The following ZNF486 variants were observed in gnomAD, a reference collection of about 807,000 sequenced individuals.
ZNF486 encodes zinc finger protein 486, also known as KRAB box only protein 2.
In ZNF486, 12 loss-of-function variants were observed where a neutral mutation model predicts 12.8. The observed-to-expected ratio is 0.94, with a 90% CI of 0.60 to 1.52. ZNF486 has a LOEUF of 1.52. Ranked by LOEUF, ZNF486 falls within the 40% of genes most tolerant of loss-of-function variation. The pLI, the probability that ZNF486 is intolerant of heterozygous loss-of-function variation, is 0.00. For missense variants in ZNF486, 738 were observed against 545.0 expected, an observed-to-expected ratio of 1.35 and a Z score of -3.53; for synonymous variants, 231 against 184.9, an observed-to-expected ratio of 1.25 and a Z score of -2.02.
intron 1 of ZNF486, among the ~76,000 whole-genome samples, chr19:20,181,918 G>A (rs886594551): frequency 6.6e-6 from 1 of 152,290 alleles, no homozygotes; most frequent in East Asian, 1.9e-4. Context: ...AATGTGCTAT[G>A]CCCAGCACAG....
intron 3 of ZNF486, among the ~76,000 whole-genome samples, chr19:20,189,138 GATATCAGCTCACT>G (rs2089878478): frequency 1.3e-5 from 2 of 152,032 alleles, no homozygotes; most frequent in South Asian, 4.1e-4. Flanking sequence ...GCAGTGGTGT[GATATCAGCTCACT>G]GAAACCTCTG....
chr19:20,184,622 T>C (rs2089822745), intron 2 of ZNF486, 140 bp downstream of exon 2: 3 of 1,010,502 alleles, frequency 3.0e-6, no homozygotes, highest in Non-Finnish European at 4.1e-6. Flanking sequence ...AGAATTTGTT[T>C]ATTTAGAAAA....
chr19:20,186,411 C>T (rs529513696), intron 3 of ZNF486, among the ~76,000 whole-genome samples: 5 of 152,076 alleles, frequency 3.3e-5, no homozygotes, highest in East Asian at 1.9e-4. Context: ...CAAATATCTG[C>T]GTGATTTTGA....
chr19:20,190,990 G>T (rs924887318), intron 3 of ZNF486, among the ~76,000 whole-genome samples: 2 of 152,014 alleles, frequency 1.3e-5, no homozygotes, highest in Non-Finnish European at 2.9e-5. Context: ...AATGAGAGCT[G>T]GTTCATTAAA....
At chr19:20,170,111 C>T (rs1252217314) in intron 1 of ZNF486, among the ~76,000 whole-genome samples, 1 of 150,970 alleles carries the variant, frequency 6.6e-6, no homozygotes. Context: ...AGGATGGTCT[C>T]GATCTCCTGA....
chr19:20,192,028 AAT>A (rs1431945916), intron 3 of ZNF486, among the ~76,000 whole-genome samples: 1 of 152,182 alleles, frequency 6.6e-6, no homozygotes, highest in Non-Finnish European at 1.5e-5. Context: ...ATAGATAAAT[AAT>A]ATAGTTACCG....
chr19:20,175,826 C>T (rs1298033736), intron 1 of ZNF486, among the ~76,000 whole-genome samples: 3 of 152,218 alleles, frequency 2.0e-5, no homozygotes, highest in Non-Finnish European at 1.5e-5. Context: ...CATCATGGCC[C>T]GTTCTCAATG....
At position 20,198,194 on chromosome 19, in the gene ZNF486, A is replaced by G. The variant is rs2089980780; in HGVS notation, c.*92A>G. 2.7e-6 allele frequency: 3 copies of G among 1,101,182 alleles called. No homozygotes were observed. Among genetic ancestry groups the G allele is most frequent in the Non-Finnish European group, 3.9e-6 (3 of 778,056 alleles). 68.2% of individuals were successfully genotyped at this position (1,101,182 alleles called of 1,614,324 possible). A position where few individuals can be genotyped will look rare whatever the true frequency, so the allele number is the denominator to read the frequency against. ...TGCAATGGCATAATTTTGGCTCACC[A>G]CAACCTCCACCTTCTGGGTTCAAGT... On this transcript the variant is annotated 3_prime_UTR_variant, in exon 4 of 4. Coordinates refer to ENST00000335117, the MANE Select transcript of ZNF486 (RefSeq NM_052852.4).
chr19:20,196,687 A>T (rs1387163996), intron 3 of ZNF486, among the ~76,000 whole-genome samples: 1 of 150,912 alleles, frequency 6.6e-6, no homozygotes, highest in African/African-American at 2.4e-5. Context: ...GCTGTTGCAT[A>T]TAAGTAACAG....
At chr19:20,169,356 G>C (rs1555713513) in intron 1 of ZNF486, among the ~76,000 whole-genome samples, 1 of 152,112 alleles carries the variant, frequency 6.6e-6, no homozygotes, top group African/African-American at 2.4e-5. Flanking sequence ...TGATCCATCC[G>C]CCTTGGCCTC....
intron 3 of ZNF486, among the ~76,000 whole-genome samples, chr19:20,189,704 T>C (rs1473451201): frequency 6.6e-6 from 1 of 152,138 alleles, no homozygotes; most frequent in African/African-American, 2.4e-5. Context: ...GTTTTAAGAG[T>C]TTTTATTTAT....
At chr19:20,195,172 TTTTTAA>T (rs1427879785) in intron 3 of ZNF486, among the ~76,000 whole-genome samples, 2 of 152,098 alleles carry the variant, frequency 1.3e-5, no homozygotes, top group East Asian at 1.9e-4. Context: ...GCACCCAACC[TTTTTAA>T]TTTTATTTTT....
intron 3 of ZNF486, among the ~76,000 whole-genome samples, chr19:20,190,931 G>A (rs139481086): frequency 7.6e-4 from 115 of 152,262 alleles, no homozygotes; most frequent in Admixed American, 1.7e-3. Context: ...TCTCATGAAC[G>A]GCATGGTACA....
intron 3 of ZNF486, among the ~76,000 whole-genome samples, chr19:20,195,770 CTCT>C (rs748378208): frequency 3.4e-4 from 52 of 152,278 alleles, no homozygotes; most frequent in South Asian, 1.5e-3. Context: ...TTATTCATAT[CTCT>C]TCTTAATAGT....
rs73540121 is a variant in ZNF486, at chr19:20,182,030, T to G, written c.31-2326T>G. The stretch of plus-strand genomic sequence containing the variant: ...TTAAATACAGACTTACTCTGTCATT[T>G]CTGCCTTCAGTTTCCTCTATAAACT... On this transcript the variant is annotated intron_variant, in intron 1 of 3. Transcript: ENST00000335117. Among the ~76,000 whole-genome samples, 1,402 of 152,374 alleles carry G rather than the reference T, an allele frequency of 9.2e-3. 22 individuals carry two copies. The highest frequency in any genetic ancestry group is 0.031 in the African/African-American group (1,305 of 41,584).
intron 1 of ZNF486, among the ~76,000 whole-genome samples, chr19:20,172,583 G>A (rs1486678889): frequency 6.6e-6 from 1 of 151,918 alleles, no homozygotes; most frequent in Non-Finnish European, 1.5e-5. Context: ...ACATGCATGA[G>A]CCACCATGCC....
At chr19:20,189,917 A>AT (rs1270420774) in intron 3 of ZNF486, among the ~76,000 whole-genome samples, 1 of 151,876 alleles carries the variant, frequency 6.6e-6, no homozygotes, top group Non-Finnish European at 1.5e-5. Context: ...CTTTTCCTGT[A>AT]TTTTTTCTAA....
chr19:20,180,645 C>A (rs1298088534), intron 1 of ZNF486, among the ~76,000 whole-genome samples: 1 of 152,130 alleles, frequency 6.6e-6, no homozygotes, highest in Admixed American at 6.5e-5. Context: ...ATGATCTTGG[C>A]TCACCGCAAT....
At chr19:20,178,737 T>C (rs2089751702) in intron 1 of ZNF486, among the ~76,000 whole-genome samples, 1 of 152,240 alleles carries the variant, frequency 6.6e-6, no homozygotes, top group African/African-American at 2.4e-5. Flanking sequence ...TTGTTATCTA[T>C]AGTCCTGTAC....
Sources: gnomAD v4.1 joint callset for allele counts (sites outside exome capture counted in the v4.1 genomes callset) on GRCh38, gnomAD v4.1.1 for gene constraint, MANE v1.5 for transcripts, NCBI Gene and HGNC (gene_info 2026-07-23, HGNC 2026-07-21) for gene names.